RSU1: variants seen among roughly 807,000 people sequenced by gnomAD.
RSU1 encodes the protein rsu-1.
Under a neutral mutation model 31.1 loss-of-function variants are expected in RSU1, and 26 were observed. That is an observed-to-expected ratio of 0.84 (90% CI 0.61 to 1.16). The LOEUF (loss-of-function observed/expected upper bound fraction) is 1.16, where lower values mean the gene tolerates loss of function less well. Ranked by LOEUF, RSU1 falls within the 50% of genes most tolerant of loss-of-function variation. The pLI is 0.00. For synonymous variants in RSU1, 164 were observed against 136.3 expected, an observed-to-expected ratio of 1.20 and a Z score of -1.41; for missense variants, 320 against 339.1, an observed-to-expected ratio of 0.94 and a Z score of 0.44.
At chr10:16,710,573 G>A (rs917856560) in intron 7 of RSU1, among the ~76,000 whole-genome samples, 2 of 151,582 alleles carry the variant, frequency 1.3e-5, no homozygotes, top group Non-Finnish European at 1.5e-5. Flanking sequence ...AGTTTGAGGA[G>A]AACTGTTATT....
rs1392909568 is a variant in RSU1, at chr10:16,817,335, A to G, written c.-24T>C. On this transcript the variant is annotated 5_prime_UTR_variant, in exon 1 of 9. Transcript: ENST00000345264. ...CTCACCACGGAAGGTAGCCCCTAAG[A>G]CGATGGGCGTGCAACCACAAGCTTC... 4.3e-6 allele frequency: 2 copies of G among 470,502 alleles called. No homozygotes were observed. The highest frequency in any genetic ancestry group is 7.7e-6 in the Non-Finnish European group (2 of 260,280). 29.1% of individuals were successfully genotyped at this position (470,502 alleles called of 1,614,324 possible). A position where few individuals can be genotyped will look rare whatever the true frequency, so the allele number is the denominator to read the frequency against.
intron 8 of RSU1, among the ~76,000 whole-genome samples, chr10:16,675,838 C>A (rs114047437): frequency 0.011 from 1,743 of 152,286 alleles, 33 homozygotes; most frequent in African/African-American, 0.04. Flanking sequence ...CTAAAACTTT[C>A]CTGGGCCTCA....
chr10:16,644,793 T>C (rs758233339), intron 8 of RSU1, among the ~76,000 whole-genome samples: 50 of 152,336 alleles, frequency 3.3e-4, no homozygotes, highest in Non-Finnish European at 5.9e-4. Context: ...AAAAGTGATC[T>C]GATAAGCAAA....
At chr10:16,686,141 A>T (rs148892798) in intron 8 of RSU1, among the ~76,000 whole-genome samples, 143 of 152,336 alleles carry the variant, frequency 9.4e-4, no homozygotes, top group Admixed American at 1.7e-3. Flanking sequence ...AAAACCCCAC[A>T]AAACCTCCAA....
rs187271549 is a variant in RSU1, at chr10:16,807,236, T to C, written c.109+9737A>G. Among the ~76,000 whole-genome samples, 457 of 152,336 alleles carry C rather than the reference T, an allele frequency of 3.0e-3. 2 individuals carry two copies. The highest frequency in any genetic ancestry group is 9.2e-3 in the Admixed American group (141 of 15,304). On this transcript the variant is annotated intron_variant, in intron 2 of 8. Coordinates refer to ENST00000345264, the MANE Select transcript of RSU1 (RefSeq NM_012425.4). ...GCAAGTAATTGCTTGTTCTGATGTG[T>C]GCCTTTCATTTGGCCTCACCCTTAA...
At chr10:16,756,340 C>T (rs182763540) in intron 4 of RSU1, among the ~76,000 whole-genome samples, 3 of 152,202 alleles carry the variant, frequency 2.0e-5, no homozygotes, top group African/African-American at 7.2e-5. Flanking sequence ...TTTATCACAA[C>T]CTAAAAAATT....
intron 8 of RSU1, among the ~76,000 whole-genome samples, chr10:16,660,826 T>C (rs111778686): frequency 2.0e-5 from 3 of 151,930 alleles, no homozygotes; most frequent in African/African-American, 7.2e-5. Context: ...TTTGTATTTT[T>C]AGTAGAGATG....
intron 2 of RSU1, among the ~76,000 whole-genome samples, chr10:16,812,112 T>C (rs1032255940): frequency 5.9e-5 from 9 of 152,108 alleles, no homozygotes; most frequent in African/African-American, 1.9e-4. Flanking sequence ...AACAGAAAGG[T>C]GGGCACATAC....
Position 16,773,028 on chromosome 10 carries a change from G to A in RSU1, c.161-8518C>T, listed in dbSNP as rs1157459160. Among the ~76,000 whole-genome samples, 4 of 152,028 alleles carry A rather than the reference G, an allele frequency of 2.6e-5. No homozygotes were observed. In the South Asian group the frequency reaches 6.2e-4, roughly 24 times the overall value. On this transcript the variant is annotated intron_variant, in intron 3 of 8. Transcript: ENST00000345264. Reference sequence around the variant, plus strand: ...TTCAGACCAGCCTGGGCAACAGGGCGAAACCCCACCTCTACAAAAAAATTA... The same window carrying A: ...TTCAGACCAGCCTGGGCAACAGGGCAAAACCCCACCTCTACAAAAAAATTA...
intron 2 of RSU1, among the ~76,000 whole-genome samples, chr10:16,783,783 C>A (rs1837710953): frequency 6.6e-6 from 1 of 152,020 alleles, no homozygotes; most frequent in African/African-American, 2.4e-5. Flanking sequence ...GGCCTGATGC[C>A]CCATAAAGTC....
Position 16,701,073 on chromosome 10 carries a change from G to T in RSU1, c.599-5918C>A, listed in dbSNP as rs147764350. Among the ~76,000 whole-genome samples, 257 of 152,248 alleles carry T rather than the reference G, an allele frequency of 1.7e-3. 5 individuals carry two copies. The South Asian group carries it at 0.024, about 14-fold the overall frequency. On this transcript the variant is annotated intron_variant, in intron 7 of 8. Transcript: ENST00000345264. Reference sequence around the variant, plus strand: ...TTAATGTTGGTTTTCTCAAATTAAGGTAGGGCAGGAGGTTGAACTGGCAGA... The same window carrying T: ...TTAATGTTGGTTTTCTCAAATTAAGTTAGGGCAGGAGGTTGAACTGGCAGA...
At chr10:16,654,680 CA>C (rs147140192) in intron 8 of RSU1, among the ~76,000 whole-genome samples, 30,386 of 111,830 alleles carry the variant, frequency 0.27, 3,494 homozygotes, top group South Asian at 0.44. Context: ...AAAACAAAAA[CA>C]AAAAAAAAAA....
chr10:16,677,421 A>G (rs1218205644), intron 8 of RSU1, among the ~76,000 whole-genome samples: 1 of 152,176 alleles, frequency 6.6e-6, no homozygotes, highest in African/African-American at 2.4e-5. Context: ...TCACACACTA[A>G]TCTACATGAA....
At chr10:16,593,524 A>C in intron 8 of RSU1, 28 bp from the exon 9 acceptor site, 1 of 1,569,808 alleles carries the variant, frequency 6.4e-7, no homozygotes, top group Non-Finnish European at 8.8e-7. Flanking sequence ...GGACACTATC[A>C]GATCTATTTT....
At chr10:16,650,176 T>C (rs374443372) in intron 8 of RSU1, among the ~76,000 whole-genome samples, 1 of 152,224 alleles carries the variant, frequency 6.6e-6, no homozygotes, top group Admixed American at 6.5e-5. Flanking sequence ...CTGTAAAAGC[T>C]GAGACTATCT....
At chr10:16,656,807 T>A (rs2131521994) in intron 8 of RSU1, among the ~76,000 whole-genome samples, 1 of 152,332 alleles carries the variant, frequency 6.6e-6, no homozygotes, top group Non-Finnish European at 1.5e-5. Context: ...TCAGGGTTTT[T>A]AAGAAAATGG....
At chr10:16,791,100 C>T (rs1267414398) in intron 2 of RSU1, among the ~76,000 whole-genome samples, 1 of 152,078 alleles carries the variant, frequency 6.6e-6, no homozygotes, top group Admixed American at 6.5e-5. Context: ...GATCTTGGCT[C>T]ACTGTAACCT....
chr10:16,757,148 T>C (rs1253817299), intron 4 of RSU1, among the ~76,000 whole-genome samples: 1 of 151,738 alleles, frequency 6.6e-6, no homozygotes, highest in Non-Finnish European at 1.5e-5. Flanking sequence ...TCCAGTGAAG[T>C]CTAAGGGAAT....
At chr10:16,712,255 T>G (rs541462902) in intron 7 of RSU1, among the ~76,000 whole-genome samples, 2 of 152,278 alleles carry the variant, frequency 1.3e-5, no homozygotes, top group East Asian at 3.9e-4. Flanking sequence ...AGCCAGCAGA[T>G]AGTTGGGTCT....
Sources: gnomAD v4.1 joint callset for allele counts (sites outside exome capture counted in the v4.1 genomes callset) on GRCh38, gnomAD v4.1.1 for gene constraint, MANE v1.5 for transcripts, NCBI Gene and HGNC (gene_info 2026-07-23, HGNC 2026-07-21) for gene names.